Variants in KANSL1L observed in about 807,000 individuals in gnomAD.
KANSL1L encodes the protein KAT8 regulatory NSL complex subunit 1 like, also known as KAT8 regulatory NSL complex subunit 1-like protein.
Under a neutral mutation model 108.6 loss-of-function variants are expected in KANSL1L, and 25 were observed. The observed-to-expected ratio is 0.23, with a 90% CI of 0.17 to 0.32. The LOEUF (loss-of-function observed/expected upper bound fraction) is 0.32, where lower values mean the gene tolerates loss of function less well. Among genes scored for constraint, KANSL1L ranks in the 10% least tolerant of loss-of-function variants. KANSL1L has a pLI of 1.00. For synonymous variants in KANSL1L, 405 were observed against 395.1 expected (o/e 1.03, Z -0.30); for missense variants, 1,137 against 1,125.7 (o/e 1.01, Z -0.14).
chr2:210,032,406 G>A (rs2125143994), intron 8 of KANSL1L: 1 of 152,312 alleles, frequency 6.6e-6, no homozygotes, highest in East Asian at 1.9e-4. Context: ...ATCTCTAAAA[G>A]ACTAATACTA....
intron 1 of KANSL1L, chr2:210,170,507 C>G (rs757854753): frequency 1.5e-4 from 56 of 381,894 alleles, no homozygotes; most frequent in Non-Finnish European, 1.9e-4. Flanking sequence ...CCAAACACCA[C>G]GCAATCTGAC....
At chr2:210,092,158 C>T (rs570726179) in intron 5 of KANSL1L, among the ~76,000 whole-genome samples, 7 of 152,150 alleles carry the variant, frequency 4.6e-5, no homozygotes, top group African/African-American at 1.4e-4. Flanking sequence ...TTTAGTTGTC[C>T]TGATCCAAAA....
chr2:210,070,990 T>G (rs1402384554), intron 6 of KANSL1L, among the ~76,000 whole-genome samples: 8 of 151,922 alleles, frequency 5.3e-5, no homozygotes, highest in Non-Finnish European at 1.0e-4. Context: ...AAACCTCATC[T>G]CTACTAAAAA....
chr2:210,147,029 A>G (rs1282504582), intron 2 of KANSL1L, among the ~76,000 whole-genome samples: 1 of 152,226 alleles, frequency 6.6e-6, no homozygotes, highest in Non-Finnish European at 1.5e-5. Context: ...GCCATTAACT[A>G]ACAACACTGA....
intron 4 of KANSL1L, among the ~76,000 whole-genome samples, chr2:210,103,218 C>T (rs946955004): frequency 8.0e-5 from 12 of 150,812 alleles, no homozygotes; most frequent in African/African-American, 2.7e-4. Flanking sequence ...ATCACAAGGA[C>T]GAAAAACCAA....
chr2:210,107,222 T>C (rs568211663), intron 3 of KANSL1L, among the ~76,000 whole-genome samples: 1 of 152,142 alleles, frequency 6.6e-6, no homozygotes, highest in East Asian at 1.9e-4. Flanking sequence ...TAAAGTTAAT[T>C]TTAAGTAAAA....
chr2:210,066,158 G>T (rs886868832), intron 6 of KANSL1L, among the ~76,000 whole-genome samples: 3 of 152,116 alleles, frequency 2.0e-5, no homozygotes, highest in Non-Finnish European at 4.4e-5. Flanking sequence ...CTAGTTGTAG[G>T]ATTAAGTCTT....
At chr2:210,165,941 C>T (rs1413608598) in intron 1 of KANSL1L, among the ~76,000 whole-genome samples, 1 of 152,140 alleles carries the variant, frequency 6.6e-6, no homozygotes, top group African/African-American at 2.4e-5. Context: ...ATAGTTATAA[C>T]TGTTCTACTA....
At chr2:210,079,113 C>G (rs1379368674) in intron 5 of KANSL1L, among the ~76,000 whole-genome samples, 1 of 151,922 alleles carries the variant, frequency 6.6e-6, no homozygotes, top group Non-Finnish European at 1.5e-5. Context: ...ACAACTCCTG[C>G]CTAGATGACA....
intron 3 of KANSL1L, among the ~76,000 whole-genome samples, chr2:210,127,999 T>C (rs202082408): frequency 1.3e-5 from 2 of 152,102 alleles, no homozygotes; most frequent in East Asian, 3.9e-4. Flanking sequence ...GCCAAGCCAG[T>C]AGCACATGAA....
At chr2:210,169,296 C>T (rs114240756) in intron 1 of KANSL1L, among the ~76,000 whole-genome samples, 2,569 of 152,260 alleles carry the variant, frequency 0.017, 79 homozygotes, top group African/African-American at 0.059. Context: ...AAACATCCCA[C>T]ATACGTGCCA....
chr2:210,060,689 C>G (rs1159607433), intron 6 of KANSL1L, among the ~76,000 whole-genome samples: 1 of 151,978 alleles, frequency 6.6e-6, no homozygotes, highest in African/African-American at 2.4e-5. Flanking sequence ...CAAAACAGGC[C>G]AGTTATATTT....
intron 1 of KANSL1L, among the ~76,000 whole-genome samples, chr2:210,165,429 C>A (rs1394784552): frequency 6.6e-6 from 1 of 151,772 alleles, no homozygotes; most frequent in Non-Finnish European, 1.5e-5. Context: ...AAATAATAAA[C>A]ATTTTTTAAA....
At chr2:210,131,385 T>C (rs932790587) in intron 2 of KANSL1L, among the ~76,000 whole-genome samples, 1 of 152,168 alleles carries the variant, frequency 6.6e-6, no homozygotes. Flanking sequence ...GGCATAGAAG[T>C]GAGCTTAGGG....
At chr2:210,094,827 TAA>T (rs987708957) in intron 5 of KANSL1L, among the ~76,000 whole-genome samples, 5 of 145,780 alleles carry the variant, frequency 3.4e-5, no homozygotes, top group Admixed American at 2.1e-4. Context: ...GTTAAGGGAT[TAA>T]AAAAAAAAAA....
At chr2:210,047,653 T>C (rs917229068) in intron 6 of KANSL1L, among the ~76,000 whole-genome samples, 1 of 152,206 alleles carries the variant, frequency 6.6e-6, no homozygotes, top group African/African-American at 2.4e-5. Context: ...TTTAATAGTT[T>C]TTCCCATCTA....
intron 5 of KANSL1L, chr2:210,097,277 C>T (rs2094746161): frequency 1.1e-6 from 1 of 922,134 alleles, no homozygotes; most frequent in Non-Finnish European, 1.3e-6. Flanking sequence ...TTTCACCATG[C>T]TATAAATTTT....
intron 3 of KANSL1L, among the ~76,000 whole-genome samples, chr2:210,117,918 C>T (rs1184497370): frequency 1.3e-5 from 2 of 152,138 alleles, no homozygotes. Context: ...AATCTCAGCA[C>T]TTTGGGAGGC....
chr2:210,135,180 T>C (rs2095162847), intron 2 of KANSL1L, among the ~76,000 whole-genome samples: 3 of 152,052 alleles, frequency 2.0e-5, no homozygotes, highest in Non-Finnish European at 4.4e-5. Flanking sequence ...GTCAAGAAAA[T>C]TAGGAAACTT....
Sources: allele counts gnomAD v4.1 joint callset (sites outside exome capture counted in the v4.1 genomes callset), GRCh38; gene constraint gnomAD v4.1.1; transcripts MANE v1.5; gene names NCBI Gene and HGNC (gene_info 2026-07-23, HGNC 2026-07-21).